BNC2: variants seen among roughly 807,000 people sequenced by gnomAD.
BNC2 encodes the protein zinc finger protein basonuclin-2.
Under a neutral mutation model 76.3 loss-of-function variants are expected in BNC2, and 20 were observed. The ratio of observed to expected loss-of-function variants is 0.26; its 90% CI spans 0.18 to 0.38. BNC2 has a LOEUF of 0.38. BNC2 is among the 10% of genes least tolerant of loss of function. The pLI, the probability that BNC2 is intolerant of heterozygous loss-of-function variation, is 1.00. For synonymous variants in BNC2, 582 were observed against 514.8 expected (o/e 1.13, Z -1.77); for missense variants, 1,382 against 1,399.8 (o/e 0.99, Z 0.20).
intron 1 of BNC2, among the ~76,000 whole-genome samples, chr9:16,857,258 A>T (rs969263615): frequency 4.6e-5 from 7 of 152,016 alleles, no homozygotes; most frequent in African/African-American, 1.7e-4. Context: ...TGGGCAGATC[A>T]CCAGAGGTCA....
At chr9:16,743,367 G>A (rs905792653) in intron 1 of BNC2, among the ~76,000 whole-genome samples, 1 of 151,874 alleles carries the variant, frequency 6.6e-6, no homozygotes, top group African/African-American at 2.4e-5. Context: ...CCTGTGCTCT[G>A]TCCAACATTA....
intron 3 of BNC2, among the ~76,000 whole-genome samples, chr9:16,597,671 A>G (rs1008422422): frequency 6.6e-6 from 1 of 152,166 alleles, no homozygotes; most frequent in Non-Finnish European, 1.5e-5. Context: ...AAATAGACAT[A>G]TATTTAGATA....
At chr9:16,855,711 G>T (rs1272050885) in intron 1 of BNC2, among the ~76,000 whole-genome samples, 3 of 150,258 alleles carry the variant, frequency 2.0e-5, no homozygotes, top group Non-Finnish European at 4.4e-5. Flanking sequence ...CTGATTTCTT[G>T]TATTTTTTTT....
intron 3 of BNC2, among the ~76,000 whole-genome samples, chr9:16,693,476 G>C (rs757426158): frequency 1.3e-5 from 2 of 152,076 alleles, no homozygotes; most frequent in African/African-American, 2.4e-5. Context: ...CCCCACCTGA[G>C]ACCCACTGTG....
Position 16,743,211 on chromosome 9 carries a change from A to T in BNC2, c.4-4726T>A, listed in dbSNP as rs150323987. On this transcript the variant is annotated intron_variant, in intron 1 of 6. Coordinates refer to ENST00000380672, the MANE Select transcript of BNC2 (RefSeq NM_017637.6). ...ACGATGGCTTGCATTTGACATCTCCAAAGAAACTACACGATGACTTGAGTG... is the reference window on the plus strand; with the variant it reads ...ACGATGGCTTGCATTTGACATCTCCTAAGAAACTACACGATGACTTGAGTG... Among the ~76,000 whole-genome samples, 186 of 151,602 alleles carry T rather than the reference A, an allele frequency of 1.2e-3. 1 individual carries two copies. Among genetic ancestry groups the T allele is most frequent in the African/African-American group, 4.4e-3 (181 of 41,412 alleles).
chr9:16,816,114 C>A (rs1238867220), intron 1 of BNC2, among the ~76,000 whole-genome samples: 1 of 152,064 alleles, frequency 6.6e-6, no homozygotes, highest in East Asian at 1.9e-4. Flanking sequence ...AATTACCTGA[C>A]AAACGGTAGC....
At chr9:16,638,217 G>C (rs562799134) in intron 3 of BNC2, among the ~76,000 whole-genome samples, 3 of 152,280 alleles carry the variant, frequency 2.0e-5, no homozygotes, top group Admixed American at 1.3e-4. Context: ...TTTTCTAACA[G>C]TGTTTTGTTA....
intron 3 of BNC2, among the ~76,000 whole-genome samples, chr9:16,605,247 A>G (rs1039196376): frequency 6.6e-6 from 1 of 152,244 alleles, no homozygotes; most frequent in African/African-American, 2.4e-5. Context: ...ACTTATTTGC[A>G]TATTTCATAT....
intron 3 of BNC2, among the ~76,000 whole-genome samples, chr9:16,633,304 A>G (rs1045951762): frequency 6.6e-6 from 1 of 152,214 alleles, no homozygotes; most frequent in Non-Finnish European, 1.5e-5. Context: ...CCAGTGCACA[A>G]ATGAACAAGG....
intron 2 of BNC2, among the ~76,000 whole-genome samples, chr9:16,735,415 A>G (rs1416105608): frequency 6.6e-6 from 1 of 152,112 alleles, no homozygotes; most frequent in Admixed American, 6.6e-5. Flanking sequence ...AAAAAAAAAA[A>G]AACAGGCTGG....
intron 3 of BNC2, among the ~76,000 whole-genome samples, chr9:16,585,004 G>A (rs1819730050): frequency 6.6e-6 from 1 of 151,942 alleles, no homozygotes; most frequent in South Asian, 2.1e-4. Flanking sequence ...AATCAAGGGA[G>A]GGCCAATAAA....
At chr9:16,754,162 G>T (rs1049091684) in intron 1 of BNC2, among the ~76,000 whole-genome samples, 6 of 152,182 alleles carry the variant, frequency 3.9e-5, no homozygotes, top group Non-Finnish European at 8.8e-5. Flanking sequence ...ATTTCACACT[G>T]CCAGTTGGTA....
At chr9:16,827,309 T>G (rs1324331486) in intron 1 of BNC2, among the ~76,000 whole-genome samples, 2 of 152,214 alleles carry the variant, frequency 1.3e-5, no homozygotes, top group Non-Finnish European at 2.9e-5. Context: ...TGAATTAAAT[T>G]CACATGTAAT....
At chr9:16,606,885 A>G (rs1162555046) in intron 3 of BNC2, among the ~76,000 whole-genome samples, 1 of 152,168 alleles carries the variant, frequency 6.6e-6, no homozygotes, top group African/African-American at 2.4e-5. Context: ...TAAAAACAGG[A>G]ATTTATCTGC....
At chr9:16,749,086 T>C (rs554884094) in intron 1 of BNC2, among the ~76,000 whole-genome samples, 13 of 151,926 alleles carry the variant, frequency 8.6e-5, no homozygotes, top group Non-Finnish European at 1.6e-4. Context: ...GTAAGCTTTG[T>C]TTCATTCTCC....
chr9:16,659,350 G>A (rs189462384), intron 3 of BNC2, among the ~76,000 whole-genome samples: 23 of 152,162 alleles, frequency 1.5e-4, no homozygotes, highest in Non-Finnish European at 2.8e-4. Flanking sequence ...AGTGGCTCAC[G>A]CGTAATCACA....
At chr9:16,847,814 G>C (rs774984153) in intron 1 of BNC2, among the ~76,000 whole-genome samples, 1 of 152,202 alleles carries the variant, frequency 6.6e-6, no homozygotes, top group Admixed American at 6.5e-5. Flanking sequence ...CTACGGAGCA[G>C]CATGTGCGGT....
intron 6 of BNC2, among the ~76,000 whole-genome samples, chr9:16,420,406 T>C (rs1216990576): frequency 6.6e-6 from 1 of 152,058 alleles, no homozygotes; most frequent in Non-Finnish European, 1.5e-5. Flanking sequence ...TTTCATCGAG[T>C]AGTTCTACTT....
At chr9:16,807,104 C>A (rs958792049) in intron 1 of BNC2, among the ~76,000 whole-genome samples, 2 of 152,126 alleles carry the variant, frequency 1.3e-5, no homozygotes, top group South Asian at 4.2e-4. Context: ...TTCCATTAGG[C>A]AAAGTTATAT....
Sources: allele counts gnomAD v4.1 joint callset (sites outside exome capture counted in the v4.1 genomes callset), GRCh38; gene constraint gnomAD v4.1.1; transcripts MANE v1.5; gene names NCBI Gene and HGNC (gene_info 2026-07-23, HGNC 2026-07-21).